EGFLAM: variants seen among roughly 807,000 people sequenced by gnomAD.
The protein encoded by EGFLAM is pikachurin.
EGFLAM carries 79 observed loss-of-function variants against 113.1 expected under a neutral mutation model. That is an observed-to-expected ratio of 0.70 (90% CI 0.58 to 0.84). EGFLAM has a LOEUF of 0.84. Ranked by LOEUF, EGFLAM falls within the 40% of genes least tolerant of loss-of-function variation. The pLI is 0.00. For synonymous variants in EGFLAM, 504 were observed against 487.6 expected, an observed-to-expected ratio of 1.03 and a Z score of -0.44; for missense variants, 1,265 against 1,291.6, an observed-to-expected ratio of 0.98 and a Z score of 0.32.
At chr5:38,319,504 C>T (rs773922184) in intron 1 of EGFLAM, among the ~76,000 whole-genome samples, 4 of 152,122 alleles carry the variant, frequency 2.6e-5, no homozygotes, top group Admixed American at 6.5e-5. Flanking sequence ...GAATAAAGAG[C>T]GAACACAAAA....
At chr5:38,440,944 A>T (rs966228613) in intron 17 of EGFLAM, among the ~76,000 whole-genome samples, 2 of 152,184 alleles carry the variant, frequency 1.3e-5, no homozygotes, top group African/African-American at 4.8e-5. Context: ...TAGTTGGACA[A>T]TTTGACACTT....
chr5:38,425,612 C>T (rs762281075), intron 13 of EGFLAM, among the ~76,000 whole-genome samples: 1 of 152,246 alleles, frequency 6.6e-6, no homozygotes, highest in Non-Finnish European at 1.5e-5. Context: ...TGAGAACTCA[C>T]TCATCTGATG....
At chr5:38,343,063 C>G (rs945363477) in intron 3 of EGFLAM, among the ~76,000 whole-genome samples, 5 of 152,034 alleles carry the variant, frequency 3.3e-5, no homozygotes, top group African/African-American at 4.8e-5. Context: ...CAAGGGTGAC[C>G]AGGGGCGAAG....
chr5:38,325,550 T>C (rs1378400416), intron 1 of EGFLAM, among the ~76,000 whole-genome samples: 1 of 152,222 alleles, frequency 6.6e-6, no homozygotes, highest in Non-Finnish European at 1.5e-5. Context: ...AGAAGTAGAC[T>C]AAGGTTTGAG....
chr5:38,298,975 T>A (rs2111819132), intron 1 of EGFLAM, among the ~76,000 whole-genome samples: 1 of 152,330 alleles, frequency 6.6e-6, no homozygotes, highest in East Asian at 1.9e-4. Flanking sequence ...TTGTATTAGC[T>A]AACTTAATCC....
At chr5:38,443,407 AT>A (rs1211194697) in intron 17 of EGFLAM, among the ~76,000 whole-genome samples, 1 of 152,220 alleles carries the variant, frequency 6.6e-6, no homozygotes, top group Non-Finnish European at 1.5e-5. Context: ...TGGATGGTAT[AT>A]CATTAAACAC....
intron 18 of EGFLAM, among the ~76,000 whole-genome samples, chr5:38,450,700 G>A (rs1168111195): frequency 6.6e-6 from 1 of 152,176 alleles, no homozygotes; most frequent in East Asian, 1.9e-4. Flanking sequence ...ATTCCCAGCC[G>A]TGGCTATAGA....
Position 38,258,697 on chromosome 5 carries a change from G to A in EGFLAM, c.-58G>A. 1 of 1,552,796 alleles carries A rather than the reference G, an allele frequency of 6.4e-7. No homozygotes were observed. Among genetic ancestry groups the A allele is most frequent in the Non-Finnish European group, 8.7e-7 (1 of 1,143,828 alleles). The stretch of plus-strand genomic sequence containing the variant: ...GCCGCGTCCCCCACGCGCCCCCGGA[G>A]ACGCCCTTTCCGTGTGCGCCCGGGA... On this transcript the variant is annotated 5_prime_UTR_variant, in exon 1 of 22. Coordinates refer to ENST00000322350, the MANE Select transcript of EGFLAM (RefSeq NM_152403.4).
chr5:38,340,591 C>G (rs1739308805), intron 3 of EGFLAM, among the ~76,000 whole-genome samples: 1 of 152,150 alleles, frequency 6.6e-6, no homozygotes, highest in African/African-American at 2.4e-5. Flanking sequence ...AAAGTAAGAT[C>G]AGATGTCGTT....
chr5:38,404,299 A>G (rs1433463430), intron 6 of EGFLAM, among the ~76,000 whole-genome samples: 1 of 152,200 alleles, frequency 6.6e-6, no homozygotes, highest in Non-Finnish European at 1.5e-5. Flanking sequence ...TACTTAGATC[A>G]TAAGGGTGGA....
intron 6 of EGFLAM, among the ~76,000 whole-genome samples, chr5:38,392,419 C>A (rs1218145883): frequency 6.6e-6 from 1 of 152,160 alleles, no homozygotes; most frequent in Admixed American, 6.5e-5. Context: ...CAATGAACAT[C>A]CGCATGTATG....
At chr5:38,386,289 C>T (rs919109850) in intron 6 of EGFLAM, among the ~76,000 whole-genome samples, 9 of 149,876 alleles carry the variant, frequency 6.0e-5, no homozygotes, top group South Asian at 2.1e-4. Context: ...CTCCACCTCC[C>T]GAGTTCAAGC....
At chr5:38,367,780 C>T (rs932473574) in intron 5 of EGFLAM, among the ~76,000 whole-genome samples, 3 of 152,128 alleles carry the variant, frequency 2.0e-5, no homozygotes, top group Admixed American at 1.3e-4. Flanking sequence ...CTCAGCCTCA[C>T]CTTTGTACTT....
intron 1 of EGFLAM, among the ~76,000 whole-genome samples, chr5:38,313,541 G>A (rs1259890572): frequency 6.6e-6 from 1 of 152,070 alleles, no homozygotes. Flanking sequence ...ATTAATACTA[G>A]GGCATATTAG....
intron 1 of EGFLAM, among the ~76,000 whole-genome samples, chr5:38,259,922 G>T (rs528004200): frequency 1.2e-4 from 18 of 152,158 alleles, no homozygotes; most frequent in African/African-American, 4.8e-5. Context: ...AAATATTTTC[G>T]CATTGAAACT....
At chr5:38,376,375 A>G (rs867144723) in intron 6 of EGFLAM, among the ~76,000 whole-genome samples, 67 of 152,326 alleles carry the variant, frequency 4.4e-4, no homozygotes, top group African/African-American at 1.6e-3. Context: ...GGGTTATATA[A>G]CTTCCCCTAG....
intron 1 of EGFLAM, among the ~76,000 whole-genome samples, chr5:38,321,863 G>A (rs1469197323): frequency 1.3e-5 from 2 of 152,132 alleles, no homozygotes; most frequent in African/African-American, 2.4e-5. Context: ...AGAAGCCCAC[G>A]TACATTTGTC....
At chr5:38,333,305 G>C (rs1739093613) in intron 1 of EGFLAM, among the ~76,000 whole-genome samples, 1 of 152,122 alleles carries the variant, frequency 6.6e-6, no homozygotes, top group Non-Finnish European at 1.5e-5. Context: ...ATATTCCTCT[G>C]GGTGTATATC....
At chr5:38,463,248 T>C (rs1034286001) in intron 21 of EGFLAM, among the ~76,000 whole-genome samples, 13 of 152,210 alleles carry the variant, frequency 8.5e-5, no homozygotes, top group African/African-American at 3.1e-4. Context: ...CAGGCTTTTC[T>C]TGTTTATAGA....
Sources: allele counts gnomAD v4.1 joint callset (sites outside exome capture counted in the v4.1 genomes callset), GRCh38; gene constraint gnomAD v4.1.1; transcripts MANE v1.5; gene names NCBI Gene and HGNC (gene_info 2026-07-23, HGNC 2026-07-21).